Variants in MYBPC1 observed in about 807,000 individuals in gnomAD.
MYBPC1 encodes myosin-binding protein C, slow-type.
In MYBPC1, 52 loss-of-function variants were observed where a neutral mutation model predicts 147.1. That is an observed-to-expected ratio of 0.35 (90% CI 0.28 to 0.45). The LOEUF (loss-of-function observed/expected upper bound fraction) is 0.45, where lower values mean the gene tolerates loss of function less well. Among genes scored for constraint, MYBPC1 ranks in the 20% least tolerant of loss-of-function variants. The pLI, the probability that MYBPC1 is intolerant of heterozygous loss-of-function variation, is 1.00. For missense variants in MYBPC1, 1,228 were observed against 1,440.3 expected (o/e 0.85, Z 2.39); for synonymous variants, 477 against 475.9 (o/e 1.00, Z -0.03).
At chr12:101,690,942 A>G (rs1951403154), downstream of MYBPC1, among the ~76,000 whole-genome samples, 1 of 152,222 alleles carries the variant, frequency 6.6e-6, no homozygotes. Flanking sequence ...CAAGTATTAT[A>G]CCATAAAACT....
rs571348888 is a variant in MYBPC1 at position 101,636,753 on chromosome 12, A to T, written c.665+25A>T. Reference sequence around the variant, plus strand: ...GGTGAGAACAAAGTGATGGAGTGAGACATTGTGGCCTGGAAGTCTTTCAGA... The same window carrying T: ...GGTGAGAACAAAGTGATGGAGTGAGTCATTGTGGCCTGGAAGTCTTTCAGA... On this transcript the variant is annotated intron_variant, in intron 10 of 31. Coordinates refer to ENST00000361466, the MANE Select transcript of MYBPC1 (RefSeq NM_002465.4). 7.5e-6 allele frequency: 12 copies of T among 1,605,154 alleles called. No individual in the cohort carries two copies. The Admixed American group carries it at 1.8e-4, about 25-fold the overall frequency.
intron 19 of MYBPC1, among the ~76,000 whole-genome samples, chr12:101,660,884 A>G (rs563015767): frequency 1.5e-4 from 23 of 152,250 alleles, no homozygotes; most frequent in African/African-American, 4.8e-4. Context: ...ACTCACTACC[A>G]CGAGAACAGT....
intron 1 of MYBPC1, among the ~76,000 whole-genome samples, chr12:101,604,305 A>G (rs1032250568): frequency 6.6e-6 from 1 of 152,222 alleles, no homozygotes; most frequent in African/African-American, 2.4e-5. Context: ...TAGGGGAGGA[A>G]AAAAAACCCT....
chr12:101,652,665 C>T lies in MYBPC1; in HGVS notation c.1527-13C>T. On this transcript the variant is annotated splice_polypyrimidine_tract_variant and intron_variant, in intron 16 of 31. Transcript: ENST00000361466. ...TTTGGAGTCTTAGAAATACATTTTC[C>T]TTGTTTCCTTAGGATCCACAAGTTA... The T allele has an allele frequency of 1.3e-6, 2 of 1,584,734 alleles. No homozygotes were observed. The highest frequency in any genetic ancestry group is 3.3e-5 in the Admixed American group (2 of 59,936).
intron 1 of MYBPC1, among the ~76,000 whole-genome samples, chr12:101,603,012 C>T (rs17031662): frequency 0.1 from 15,326 of 151,794 alleles, 2,274 homozygotes; most frequent in African/African-American, 0.33. Context: ...CTATGTCTGT[C>T]TCCAAGGGTT....
intron 1 of MYBPC1, among the ~76,000 whole-genome samples, chr12:101,596,054 G>C (rs1877123917): frequency 6.6e-6 from 1 of 151,674 alleles, no homozygotes; most frequent in Admixed American, 6.6e-5. Flanking sequence ...GCAAATAAAA[G>C]AAAAAGAAAG....
intron 27 of MYBPC1, among the ~76,000 whole-genome samples, chr12:101,677,765 T>C (rs1900321603): frequency 6.6e-6 from 1 of 152,208 alleles, no homozygotes; most frequent in South Asian, 2.1e-4. Context: ...AACTAAATTC[T>C]ATCCTTATCT....
At chr12:101,648,244 C>A (rs1277192378) in intron 14 of MYBPC1, 94 bp downstream of exon 14, 1 of 847,968 alleles carries the variant, frequency 1.2e-6, no homozygotes, top group Non-Finnish European at 2.0e-6. Flanking sequence ...AGCTTTTAAA[C>A]CTTTGAAAAC....
At position 101,634,571 on chromosome 12, in the gene MYBPC1, C is replaced by A; in HGVS notation, c.574C>A (p.Pro192Thr). The A allele has an allele frequency of 1.2e-6, 2 of 1,613,130 alleles. No homozygotes were observed. Among genetic ancestry groups the A allele is most frequent in the Non-Finnish European group, 1.7e-6 (2 of 1,179,204 alleles). ...LEVHESTGTT[P>T]NIDIRSAFKR... is the part of the protein sequence containing the mutation. ...TTTCAAAGAATCTACTGGGACTACT[C>A]CAAACATTGACATCAGATCTGCTTT... The change falls in exon 9 of 32, where the codon CCA becomes ACA. Residue 192 changes from proline to threonine, a missense_variant. By Grantham distance (38) the Pro-to-Thr change is conservative. This residue lies in a region of MYBPC1 where 1,077 missense variants were observed against 1,314.2 expected (regional missense o/e 0.82). Transcript: ENST00000361466.
chr12:101,602,095 T>A (rs1421971979), intron 1 of MYBPC1, among the ~76,000 whole-genome samples: 1 of 152,258 alleles, frequency 6.6e-6, no homozygotes, highest in African/African-American at 2.4e-5. Flanking sequence ...CACCATAGAC[T>A]GAATTACTTA....
chr12:101,641,233 T>C (rs1052846481), intron 10 of MYBPC1, among the ~76,000 whole-genome samples: 13 of 152,068 alleles, frequency 8.5e-5, no homozygotes, highest in African/African-American at 3.1e-4. Context: ...CACACTGATA[T>C]ATAAGATGTT....
At chr12:101,694,585 A>G in the MYBPC1 span, among the ~76,000 whole-genome samples, 1 of 152,232 alleles carries the variant, frequency 6.6e-6, no homozygotes, top group African/African-American at 2.4e-5. Flanking sequence ...TCTGTCTGTC[A>G]TGTGAAGACA....
At chr12:101,599,309 G>A (rs199827091) in intron 1 of MYBPC1, among the ~76,000 whole-genome samples, 2 of 145,712 alleles carry the variant, frequency 1.4e-5, no homozygotes, top group Non-Finnish European at 3.0e-5. Flanking sequence ...GAACAGTTTT[G>A]TTGTTGTTGT....
chr12:101,635,033 C>G (rs1890716426), intron 9 of MYBPC1, among the ~76,000 whole-genome samples: 1 of 152,068 alleles, frequency 6.6e-6, no homozygotes, highest in South Asian at 2.1e-4. Flanking sequence ...GAACCATGTG[C>G]CCAAGAAAAC....
intron 26 of MYBPC1, among the ~76,000 whole-genome samples, chr12:101,676,572 T>G (rs911498270): frequency 6.6e-6 from 1 of 151,940 alleles, no homozygotes; most frequent in Admixed American, 6.6e-5. Flanking sequence ...CTGGACAACA[T>G]AGGGAGACCT....
chr12:101,655,576 G>A (rs1457486044), intron 18 of MYBPC1, among the ~76,000 whole-genome samples: 1 of 152,212 alleles, frequency 6.6e-6, no homozygotes, highest in Non-Finnish European at 1.5e-5. Context: ...TCTTACATAT[G>A]TCAGAGAAGT....
chr12:101,651,122 T>C lies in MYBPC1; in HGVS notation c.1364-109T>C, dbSNP rs1360885322. 8 of 1,217,976 alleles carry C rather than the reference T, an allele frequency of 6.6e-6. No homozygotes were observed. In the Admixed American group the frequency reaches 8.5e-5, roughly 13 times the overall value. 75.4% of individuals were successfully genotyped at this position (1,217,976 alleles called of 1,614,324 possible). The stretch of plus-strand genomic sequence containing the variant: ...TAATTGCATTGGTACAGCTTCTCAC[T>C]TTCAAAACAAACATTGTAGTAGAGC... On this transcript the variant is annotated intron_variant, in intron 15 of 31. Coordinates refer to ENST00000361466, the MANE Select transcript of MYBPC1 (RefSeq NM_002465.4).
intron 10 of MYBPC1, among the ~76,000 whole-genome samples, chr12:101,638,360 A>G (rs1385814192): frequency 6.6e-6 from 1 of 152,222 alleles, no homozygotes; most frequent in Non-Finnish European, 1.5e-5. Flanking sequence ...TGGTAAAAAC[A>G]TGGACTGGAG....
intron 1 of MYBPC1, among the ~76,000 whole-genome samples, chr12:101,602,564 A>G (rs2135582961): frequency 6.6e-6 from 1 of 152,272 alleles, no homozygotes; most frequent in African/African-American, 2.4e-5. Flanking sequence ...GATTTCAAGC[A>G]TTTTCCTCCT....
Sources: gnomAD v4.1 joint callset for allele counts (sites outside exome capture counted in the v4.1 genomes callset) on GRCh38, gnomAD v4.1.1 for gene constraint, gnomAD v4.1.1 regional missense constraint, MANE v1.5 for transcripts, NCBI Gene and HGNC (gene_info 2026-07-23, HGNC 2026-07-21) for gene names.